NCF1: variants seen among roughly 807,000 people sequenced by gnomAD.
NCF1 encodes neutrophil cytosolic factor 1.
In NCF1, 8 loss-of-function variants were observed where a neutral mutation model predicts 34.9. The ratio of observed to expected loss-of-function variants is 0.23; its 90% confidence interval spans 0.13 to 0.41. The LOEUF (loss-of-function observed/expected upper bound fraction) is 0.41, where lower values mean the gene tolerates loss of function less well. NCF1 is among the 10% of genes least tolerant of loss of function. The pLI is 1.00. For synonymous variants in NCF1, 57 were observed against 146.3 expected, an observed-to-expected ratio of 0.39 and a Z score of 4.41; for missense variants, 122 against 362.4, an observed-to-expected ratio of 0.34 and a Z score of 5.39.
At chr7:74,783,351 A>G in intron 6 of NCF1, 174 bp from the exon 7 acceptor site, 1 of 799,890 alleles carries the variant, frequency 1.3e-6, no homozygotes, top group South Asian at 1.5e-5. Context: ...TGATTCTGTG[A>G]GCATGTGTGC....
At chr7:74,788,746 G>A in intron 10 of NCF1, 42 bp downstream of exon 10, 1 of 1,555,028 alleles carries the variant, frequency 6.4e-7, no homozygotes, top group Non-Finnish European at 8.6e-7. Context: ...AGCCCTAGAG[G>A]CGGAGTCAGC....
chr7:74,777,309 G>T lies in NCF1; in HGVS notation c.115G>T (p.Val39Leu), dbSNP rs782544408. ...LVKWQDLSEK[V>L]VYRRFTEIYE... ...GAAATGGCAGGACCTGTCGGAGAAG[G>T]TGGTCTACCGGCGCTTCACCGAGAT... Residue 39 changes from valine (V) to leucine (L), a missense_variant, in exon 2 of 11, where the codon GTG becomes TTG. Physicochemically the swap from Val to Leu is conservative, Grantham distance 32. Transcript: ENST00000289473. 2 of 1,577,458 alleles carry T rather than the reference G, an allele frequency of 1.3e-6. No homozygotes were observed. Among genetic ancestry groups the T allele is most frequent in the Non-Finnish European group, 1.7e-6 (2 of 1,162,516 alleles).
Position 74,779,169 on chromosome 7 carries a change from G to A in NCF1, c.229+12G>A, listed in dbSNP as rs1451005650. The A allele has an allele frequency of 6.2e-7, 1 of 1,605,324 alleles. No homozygotes were observed. Among genetic ancestry groups the A allele is most frequent in the Non-Finnish European group, 8.5e-7 (1 of 1,177,548 alleles). ...CCCCCACCTCCCAGGTGAGCACGGG[G>A]CTGAGCCGCCTGTCAGGGGGTCATT... On this transcript the variant is annotated intron_variant, in intron 3 of 10. Transcript: ENST00000289473.
intron 5 of NCF1, among the ~76,000 whole-genome samples, chr7:74,782,658 C>T (rs1296457249): frequency 2.0e-5 from 3 of 152,016 alleles, no homozygotes; most frequent in Non-Finnish European, 4.4e-5. Context: ...ATTGCTTGAG[C>T]CTAGGAGTCC....
chr7:74,785,659 G>A (rs1165665606), intron 8 of NCF1: 15 of 351,016 alleles, frequency 4.3e-5, no homozygotes, highest in Middle Eastern at 2.0e-3. Flanking sequence ...AGGACAGGAC[G>A]ATCATGTGAG....
At chr7:74,784,015 G>GA (rs1182646219) in intron 7 of NCF1, among the ~76,000 whole-genome samples, 2 of 149,448 alleles carry the variant, frequency 1.3e-5, no homozygotes, top group Non-Finnish European at 3.0e-5. Flanking sequence ...CATTGAGCTT[G>GA]AAAAAAACTA....
chr7:74,785,700 T>A (rs1195304499), intron 8 of NCF1, among the ~76,000 whole-genome samples: 2 of 151,824 alleles, frequency 1.3e-5, no homozygotes, highest in Admixed American at 6.6e-5. Context: ...CTGGCCAACA[T>A]GGCAAAACCC....
intron 8 of NCF1, among the ~76,000 whole-genome samples, chr7:74,787,558 A>G (rs1160624010): frequency 5.9e-5 from 9 of 152,066 alleles, no homozygotes; most frequent in Non-Finnish European, 1.0e-4. Context: ...GGCAAATATA[A>G]TCCGCCAATG....
Position 74,779,404 on chromosome 7 carries a change from A to C in NCF1, c.377A>C (p.Lys126Thr). The change falls in exon 4 of 11, where the codon AAG (lysine) becomes ACG (threonine). Residue 126 changes from lysine to threonine, a missense_variant. By Grantham distance (78) the Lys-to-Thr change is moderately conservative. Coordinates refer to ENST00000289473, the MANE Select transcript of NCF1 (RefSeq NM_000265.7). ...TTCAAGGTGCGCCCTGATGACCTCA[A>C]GCTCCCCACGGACAACCAGTGAGTG... is the stretch of plus-strand genomic sequence containing the variant. The part of the protein sequence containing the change: ...DFFKVRPDDL[K>T]LPTDNQTKKP... 5 of 1,585,620 alleles carry C rather than the reference A, an allele frequency of 3.2e-6. 1 individual carries two copies. The highest frequency in any genetic ancestry group is 2.6e-6 in the Non-Finnish European group (3 of 1,170,242).
At chr7:74,782,712 G>A (rs1796594471) in intron 5 of NCF1, among the ~76,000 whole-genome samples, 1 of 152,010 alleles carries the variant, frequency 6.6e-6, no homozygotes, top group Non-Finnish European at 1.5e-5. Context: ...CTCTAGCCTG[G>A]GCAACAGAGC....
chr7:74,785,709 C>G (rs1796658877), intron 8 of NCF1, among the ~76,000 whole-genome samples: 1 of 151,658 alleles, frequency 6.6e-6, no homozygotes. Flanking sequence ...ATGGCAAAAC[C>G]CTATCTCTAC....
In NCF1 at chr7:74,783,581, G is replaced by A. The variant is rs1254491876; in HGVS notation, c.631G>A (p.Glu211Lys). 44 of 1,611,692 alleles carry A rather than the reference G, an allele frequency of 2.7e-5. No individual in the cohort carries two copies. Among genetic ancestry groups the A allele is most frequent in the Non-Finnish European group, 3.4e-5 (40 of 1,179,764 alleles). Residue 211 changes from glutamate to lysine, a missense_variant, in exon 7 of 11, where the codon GAG becomes AAG. By Grantham distance (56) the Glu-to-Lys change is moderately conservative. Coordinates refer to ENST00000289473, the MANE Select transcript of NCF1 (RefSeq NM_000265.7). ...AGGCTGGATCCCAGCGTCCTTCCTCGAGCCCCTGGACAGTCCTGACGAGAC... is the reference window on the plus strand; with the variant it reads ...AGGCTGGATCCCAGCGTCCTTCCTCAAGCCCCTGGACAGTCCTGACGAGAC... Reference protein sequence around the residue: ...KRGWIPASFLEPLDSPDETED... With the variant: ...KRGWIPASFLKPLDSPDETED...
rs1554414142 is a variant in NCF1 at position 74,783,634 on chromosome 7, T to A, written c.682+2T>A. On this transcript the variant is annotated splice_donor_variant, in intron 7 of 10. Transcript: ENST00000289473. LOFTEE classifies it high-confidence loss of function. ...AAGACCCTGAGCCCAACTATGCAGG[T>A]GCCCCCTGCCCTCCGAGGCTGTAGG... is the stretch of plus-strand genomic sequence containing the variant. 1 of 1,609,796 alleles carries A rather than the reference T, an allele frequency of 6.2e-7. No individual in the cohort carries two copies. The highest frequency in any genetic ancestry group is 1.3e-5 in the African/African-American group (1 of 74,682).
chr7:74,778,119 T>TTA (rs1796507957), intron 2 of NCF1, among the ~76,000 whole-genome samples: 1 of 75,688 alleles, frequency 1.3e-5, no homozygotes, highest in Non-Finnish European at 2.8e-5. Flanking sequence ...ATCAGTTTTT[T>TTA]TATATTTGCT....
rs782157090 is a variant in NCF1, at chr7:74,783,208, G to A, written c.574+147G>A. The A allele has an allele frequency of 1.8e-4, 275 of 1,486,922 alleles. 2 individuals carry two copies. The highest frequency in any genetic ancestry group is 1.9e-4 in the Middle Eastern group (1 of 5,238). 92.1% of individuals were successfully genotyped at this position (1,486,922 alleles called of 1,614,324 possible). A position where few individuals can be genotyped will look rare whatever the true frequency, so the allele number is the denominator to read the frequency against. ...AAATGTCCTCCCCACACTGTGGGTC[G>A]CCTTCTGTCTTAGTGTGCACCCTGT... On this transcript the variant is annotated intron_variant, in intron 6 of 10. Transcript: ENST00000289473.
chr7:74,779,550 AG>A, intron 4 of NCF1, 128 bp downstream of exon 4: 1 of 855,942 alleles, frequency 1.2e-6, no homozygotes, highest in Non-Finnish European at 1.7e-6. Flanking sequence ...AGCCAGAAAG[AG>A]GAGGCAAATT....
intron 5 of NCF1, 68 bp from the exon 6 acceptor site, chr7:74,782,871 A>T: frequency 1.4e-6 from 2 of 1,387,464 alleles, no homozygotes; most frequent in Non-Finnish European, 2.0e-6. Flanking sequence ...TCAAGATGCC[A>T]GCGCCTGTTC....
At chr7:74,781,714 G>A (rs140969778) in intron 5 of NCF1, 9 of 139,864 alleles carry the variant, frequency 6.4e-5, no homozygotes, top group Admixed American at 2.2e-4. Context: ...TAATTTTCTG[G>A]TAGAGATGGG....
chr7:74,781,796 G>A (rs1228522897), intron 5 of NCF1, among the ~76,000 whole-genome samples: 2 of 134,240 alleles, frequency 1.5e-5, no homozygotes, highest in African/African-American at 5.5e-5. Context: ...GCCTCCCAAA[G>A]TGCTGAGATT....
Sources: gnomAD v4.1 joint callset for allele counts (sites outside exome capture counted in the v4.1 genomes callset) on GRCh38, gnomAD v4.1.1 for gene constraint, MANE v1.5 for transcripts, NCBI Gene and HGNC (gene_info 2026-07-23, HGNC 2026-07-21) for gene names.